The following EPB41L2 variants were observed in gnomAD, a reference collection of about 807,000 sequenced individuals.
The protein encoded by EPB41L2 is erythrocyte membrane protein band 4.1 like 2.
In EPB41L2, 43 loss-of-function variants were observed where a neutral mutation model predicts 113.0. The ratio of observed to expected loss-of-function variants is 0.38; its 90% CI spans 0.30 to 0.49. EPB41L2 has a LOEUF of 0.49. Among genes scored for constraint, EPB41L2 ranks in the 20% least tolerant of loss-of-function variants. The pLI, the probability that EPB41L2 is intolerant of heterozygous loss-of-function variation, is 0.95. For synonymous variants in EPB41L2, 442 were observed against 436.7 expected (o/e 1.01, Z -0.15); for missense variants, 1,147 against 1,223.4 (o/e 0.94, Z 0.93).
rs571814223 is a variant in EPB41L2 at position 130,916,743 on chromosome 6, C to T, written c.811-7880G>A. Among the ~76,000 whole-genome samples the T allele has an allele frequency of 2.2e-3, 339 of 152,312 alleles. 1 individual carries two copies. Among genetic ancestry groups the T allele is most frequent in the African/African-American group, 8.0e-3 (331 of 41,578 alleles). ...GCGTATGAATCACCTGAACATCTAG[C>T]CAAAATAAAGTCTATTTCAGCAGGT... On this transcript the variant is annotated intron_variant, in intron 4 of 19. Transcript: ENST00000337057.
intron 1 of EPB41L2, among the ~76,000 whole-genome samples, chr6:131,020,563 A>C (rs1789227134): frequency 6.6e-6 from 1 of 152,244 alleles, no homozygotes; most frequent in Admixed American, 6.5e-5. Flanking sequence ...TTCACAGTTG[A>C]ATGAAATGAC....
At chr6:131,014,387 C>G (rs1787720469) in intron 1 of EPB41L2, among the ~76,000 whole-genome samples, 1 of 152,018 alleles carries the variant, frequency 6.6e-6, no homozygotes, top group African/African-American at 2.4e-5. Context: ...CCTTTGTATC[C>G]CATTTGGCTT....
At chr6:131,030,549 A>C (rs1413681775) in intron 1 of EPB41L2, among the ~76,000 whole-genome samples, 1 of 152,222 alleles carries the variant, frequency 6.6e-6, no homozygotes, top group East Asian at 1.9e-4. Flanking sequence ...GTAACTCTTT[A>C]AAATGCACTG....
At chr6:130,967,712 T>C (rs1309345179) in intron 1 of EPB41L2, among the ~76,000 whole-genome samples, 1 of 152,234 alleles carries the variant, frequency 6.6e-6, no homozygotes, top group Non-Finnish European at 1.5e-5. Flanking sequence ...ATCAGTTTCC[T>C]GTCCACACCT....
intron 15 of EPB41L2, 57 bp downstream of exon 15, chr6:130,869,506 G>A: frequency 2.0e-6 from 3 of 1,485,870 alleles, no homozygotes; most frequent in Non-Finnish European, 2.8e-6. Flanking sequence ...AAAGGCAGGA[G>A]TTCCCCATCT....
chr6:130,989,166 CAA>C (rs1781256703), intron 1 of EPB41L2, among the ~76,000 whole-genome samples: 1 of 152,104 alleles, frequency 6.6e-6, no homozygotes, highest in Non-Finnish European at 1.5e-5. Context: ...ACTCATTCAG[CAA>C]ATAACTATTG....
intron 3 of EPB41L2, among the ~76,000 whole-genome samples, chr6:130,939,471 T>C: frequency 6.6e-6 from 1 of 152,046 alleles, no homozygotes; most frequent in East Asian, 1.9e-4. Context: ...GCCAGGCTGG[T>C]CTCAAACTCC....
chr6:131,039,490 C>G (rs376229243), intron 1 of EPB41L2, among the ~76,000 whole-genome samples: 3 of 152,142 alleles, frequency 2.0e-5, no homozygotes, highest in Non-Finnish European at 4.4e-5. Context: ...AGACCAGAGG[C>G]CTTAGAGATC....
intron 1 of EPB41L2, among the ~76,000 whole-genome samples, chr6:130,984,879 A>G (rs1417585150): frequency 1.3e-5 from 2 of 152,244 alleles, no homozygotes; most frequent in Non-Finnish European, 2.9e-5. Context: ...AATAGAAGAA[A>G]CTTGAATAAA....
At chr6:131,028,893 T>C (rs1033959058) in intron 1 of EPB41L2, among the ~76,000 whole-genome samples, 4 of 152,212 alleles carry the variant, frequency 2.6e-5, no homozygotes, top group African/African-American at 9.6e-5. Context: ...TCTTCATTCC[T>C]TTTATCTCCA....
rs781122895 is a variant in EPB41L2, at chr6:130,904,498, G to A, written c.896C>T (p.Pro299Leu). The change falls in exon 6 of 20, where the codon CCT (proline) becomes CTT (leucine). Residue 299 changes from proline to leucine, a missense_variant. By Grantham distance (98) the Pro-to-Leu change is moderately conservative (BLOSUM62 -3). Coordinates refer to ENST00000337057, the MANE Select transcript of EPB41L2 (RefSeq NM_001431.4). Reference protein sequence around the residue: ...LFTFNVKFYPPDPSQLTEDIT... With the variant: ...LFTFNVKFYPLDPSQLTEDIT... ...ATCTTCAGTCAATTGAGAAGGATCA[G>A]GAGGATAAAACTTCACATTAAAAGT... is the stretch of plus-strand genomic sequence containing the variant. 1.9e-6 allele frequency: 3 copies of A among 1,606,362 alleles called. No homozygotes were observed. The highest frequency in any genetic ancestry group is 2.7e-5 in the African/African-American group (2 of 74,884).
intron 1 of EPB41L2, among the ~76,000 whole-genome samples, chr6:130,964,336 TTC>T (rs1229167243): frequency 1.3e-5 from 2 of 152,178 alleles, no homozygotes; most frequent in African/African-American, 4.8e-5. Flanking sequence ...GCTATATTCT[TTC>T]TGTGAGAAGT....
intron 14 of EPB41L2, among the ~76,000 whole-genome samples, chr6:130,873,454 C>G (rs1266698670): frequency 7.0e-6 from 1 of 143,614 alleles, no homozygotes; most frequent in Non-Finnish European, 1.5e-5. Flanking sequence ...CCTAATAAAC[C>G]CCACTATTCA....
chr6:130,885,870 G>A (rs1345156922), intron 11 of EPB41L2, among the ~76,000 whole-genome samples: 3 of 151,942 alleles, frequency 2.0e-5, no homozygotes, highest in African/African-American at 7.3e-5. Flanking sequence ...ACGAACTATG[G>A]TAAATCTATA....
intron 18 of EPB41L2, among the ~76,000 whole-genome samples, chr6:130,861,432 T>C (rs1782010386): frequency 6.6e-6 from 1 of 152,228 alleles, no homozygotes; most frequent in East Asian, 1.9e-4. Flanking sequence ...TGAAGGTCAC[T>C]CTATGATCAA....
intron 19 of EPB41L2, among the ~76,000 whole-genome samples, chr6:130,845,388 T>C (rs978377851): frequency 2.0e-5 from 3 of 152,130 alleles, no homozygotes; most frequent in African/African-American, 7.2e-5. Flanking sequence ...CTTATTCTTT[T>C]TTTTTTAGAG....
intron 1 of EPB41L2, among the ~76,000 whole-genome samples, chr6:130,963,834 C>T (rs1443289984): frequency 6.6e-6 from 1 of 152,058 alleles, no homozygotes; most frequent in African/African-American, 2.4e-5. Flanking sequence ...ACTGGCAATC[C>T]AACAACACAC....
intron 3 of EPB41L2, among the ~76,000 whole-genome samples, chr6:130,950,298 T>C (rs965546027): frequency 8.5e-5 from 13 of 152,092 alleles, no homozygotes; most frequent in African/African-American, 3.1e-4. Context: ...GTTGTTTCCT[T>C]TGGGAAAAAA....
At chr6:130,919,722 C>G (rs1365058596) in intron 4 of EPB41L2, among the ~76,000 whole-genome samples, 1 of 152,132 alleles carries the variant, frequency 6.6e-6, no homozygotes, top group East Asian at 1.9e-4. Flanking sequence ...AACTGAGAAC[C>G]CTGCTAATAC....
Sources: allele counts gnomAD v4.1 joint callset (sites outside exome capture counted in the v4.1 genomes callset), GRCh38; gene constraint gnomAD v4.1.1; transcripts MANE v1.5; gene names NCBI Gene and HGNC (gene_info 2026-07-23, HGNC 2026-07-21).